The following PRAMEF19 variants were observed in gnomAD, a reference collection of about 807,000 sequenced individuals.
The protein encoded by PRAMEF19 is PRAME family member 19, also known as PRAME family member-like.
PRAMEF19 carries 21 observed loss-of-function variants against 33.1 expected under a neutral mutation model. That is an observed-to-expected ratio of 0.63 (90% CI 0.45 to 0.91). PRAMEF19 has a LOEUF of 0.91. Among genes scored for constraint, PRAMEF19 ranks in the 40% least tolerant of loss-of-function variants. PRAMEF19 has a pLI of 0.00. For synonymous variants in PRAMEF19, 179 were observed against 229.3 expected (o/e 0.78, Z 1.98); for missense variants, 481 against 585.2 (o/e 0.82, Z 1.84).
At chr1:13,370,940 A>G in exon 2 of PRAMEF19, 3 of 1,613,572 alleles carry the variant, frequency 1.9e-6, no homozygotes, top group Non-Finnish European at 1.7e-6. Context: ...GAAATTTAGA[A>G]TGTTCATTGA....
At chr1:13,370,888 T>C (rs1299194843) in exon 2 of PRAMEF19, 37 of 1,613,768 alleles carry the variant, frequency 2.3e-5, no homozygotes, top group African/African-American at 1.5e-4. Flanking sequence ...AAATTTCCAA[T>C]ACTTGGATAC....
Position 13,369,287 on chromosome 1 carries a change from A to G in PRAMEF19, c.1220T>C (p.Leu407Ser), listed in dbSNP as rs1640638828. 4.8e-5 allele frequency: 77 copies of G among 1,611,944 alleles called. No individual in the cohort carries two copies. In the South Asian group the frequency reaches 8.5e-4, roughly 18 times the overall value. ...AGGGGCAGGATATGTTTCCAGGCTC[A>G]AATTGCTCAGCCTGCCTGTGTGGCG... The change falls in exon 3 of 3, where the codon TTG becomes TCG. Residue 407 changes from leucine (L) to serine (S), a missense_variant. Physicochemically the swap from Leu to Ser is moderately radical, Grantham distance 145. This residue lies in a region of PRAMEF19 where 392 missense variants were observed against 397.5 expected (regional missense o/e 0.99). Transcript: ENST00000376101.
At chr1:13,369,468 C>A (rs764227712) in exon 3 of PRAMEF19, 4 of 1,613,974 alleles carry the variant, frequency 2.5e-6, no homozygotes, top group Admixed American at 1.7e-5. Context: ...GTGGCAGCAA[C>A]TTTCTCTAGC....
At chr1:13,368,668 C>A (rs1350788720), downstream of PRAMEF19, among the ~76,000 whole-genome samples, 2 of 152,178 alleles carry the variant, frequency 1.3e-5, no homozygotes, top group Non-Finnish European at 2.9e-5. Flanking sequence ...ACTTCAGGTT[C>A]TATTTCTGAC....
chr1:13,369,694 G>A, intron 2 of PRAMEF19, 54 bp from the exon 3 acceptor site: 1 of 1,609,624 alleles, frequency 6.2e-7, no homozygotes, highest in East Asian at 2.2e-5. Context: ...GAGGACGGTG[G>A]TAGAAAATAA....
At chr1:13,368,996 TAA>T, downstream of PRAMEF19, 2 of 1,570,510 alleles carry the variant, frequency 1.3e-6, no homozygotes, top group Non-Finnish European at 1.7e-6. Context: ...AAAAGAAAAA[TAA>T]AAGATATCTA....
chr1:13,370,728 A>G (rs1429233271), exon 2 of PRAMEF19: 53 of 1,613,808 alleles, frequency 3.3e-5, no homozygotes, highest in Middle Eastern at 3.3e-4. Flanking sequence ...AGCCTGAGGA[A>G]CACAGAGCTG....
Position 13,369,453 on chromosome 1 carries a change from G to A in PRAMEF19, c.1054C>T (p.Gln352Ter). Residue 352 changes from glutamine to a stop codon, truncating the protein, a stop_gained, in exon 3 of 3, where the codon CAG becomes TAG. Coordinates refer to ENST00000376101, the Ensembl canonical transcript of PRAMEF19. LOFTEE classifies it high-confidence loss of function. The stretch of plus-strand genomic sequence containing the variant: ...CCACAGTCCACTAAGAAGAGGGTCT[G>A]AAGAGTGGCAGCAACTTTCTCTAGC... 5 of 1,613,968 alleles carry A rather than the reference G, an allele frequency of 3.1e-6. No homozygotes were observed. The highest frequency in any genetic ancestry group is 3.4e-6 in the Non-Finnish European group (4 of 1,179,868).
exon 3 of PRAMEF19, chr1:13,369,222 G>T: frequency 6.2e-7 from 1 of 1,612,026 alleles, no homozygotes; most frequent in Non-Finnish European, 8.5e-7. Context: ...GGGGTGAGGA[G>T]CTCCGAAATG....
chr1:13,371,842 T>C, exon 1 of PRAMEF19: 1 of 1,611,848 alleles, frequency 6.2e-7, no homozygotes, highest in Non-Finnish European at 8.5e-7. Flanking sequence ...CAAGGCCTGG[T>C]CCCTCAGCAG....
chr1:13,370,853 A>C, exon 2 of PRAMEF19: 1 of 1,613,978 alleles, frequency 6.2e-7, no homozygotes, highest in Non-Finnish European at 8.5e-7. Flanking sequence ...AACCTCTGCT[A>C]CCATACACGG....
chr1:13,370,567 ACAG>A (rs1227483419), intron 2 of PRAMEF19, 79 bp downstream of exon 2: 1 of 1,567,762 alleles, frequency 6.4e-7, no homozygotes. Flanking sequence ...TGGCTGGCAC[ACAG>A]TAGATGCTGA....
At chr1:13,370,866 A>G in exon 2 of PRAMEF19, 1 of 1,614,010 alleles carries the variant, frequency 6.2e-7, no homozygotes, top group Non-Finnish European at 8.5e-7. Flanking sequence ...ATACACGGCC[A>G]GCACATGTTC....
At chr1:13,369,090 A>T in exon 3 of PRAMEF19, 1 of 1,612,012 alleles carries the variant, frequency 6.2e-7, no homozygotes, top group Admixed American at 1.7e-5. Flanking sequence ...CCCCGCAAGC[A>T]AAAATTGAAC....
chr1:13,370,693 C>T (rs1253234083), exon 2 of PRAMEF19: 81,868 of 1,609,034 alleles, frequency 0.051, 3,429 homozygotes, highest in East Asian at 0.25. Context: ...GGATCCTTCT[C>T]ATATAAAGCA....
chr1:13,369,352 G>A (rs4462137), exon 3 of PRAMEF19: 82,778 of 1,607,104 alleles, frequency 0.052, 2,388 homozygotes, highest in East Asian at 0.25. Context: ...TGTCATTGCC[G>A]TGAAAGCAGA....
At chr1:13,369,512 A>C in exon 3 of PRAMEF19, 1 of 1,613,950 alleles carries the variant, frequency 6.2e-7, no homozygotes, top group Non-Finnish European at 8.5e-7. Context: ...GATGAAGCGC[A>C]GTGTACCATG....
chr1:13,369,188 A>G (rs1640636649), exon 3 of PRAMEF19: 4 of 1,612,002 alleles, frequency 2.5e-6, no homozygotes, highest in Non-Finnish European at 3.4e-6. Flanking sequence ...TTCCCTCAGT[A>G]TACGCATCAG....
chr1:13,370,162 G>T (rs1402746249), intron 2 of PRAMEF19, among the ~76,000 whole-genome samples: 1 of 152,214 alleles, frequency 6.6e-6, no homozygotes, highest in Admixed American at 6.5e-5. Flanking sequence ...TCAGAGAGAG[G>T]ATCATTCACG....
Sources: allele counts gnomAD v4.1 joint callset (sites outside exome capture counted in the v4.1 genomes callset), GRCh38; gene constraint gnomAD v4.1.1; regional missense constraint gnomAD v4.1.1; transcripts MANE v1.5; gene names NCBI Gene and HGNC (gene_info 2026-07-23, HGNC 2026-07-21).